Variants in IPO4 observed in about 807,000 individuals in gnomAD.
IPO4 encodes importin-4.
In IPO4, 91 loss-of-function variants were observed where a neutral mutation model predicts 133.5. The ratio of observed to expected loss-of-function variants is 0.68; its 90% CI spans 0.58 to 0.81. The LOEUF (loss-of-function observed/expected upper bound fraction) is 0.81. Ranked by LOEUF, IPO4 falls within the 30% of genes least tolerant of loss-of-function variation. The pLI is 0.00. For missense variants in IPO4, 1,279 were observed against 1,386.2 expected, an observed-to-expected ratio of 0.92 and a Z score of 1.23; for synonymous variants, 607 against 581.6, an observed-to-expected ratio of 1.04 and a Z score of -0.63.
Position 24,181,846 on chromosome 14 carries a change from G to T in IPO4, c.2808-3C>A. On this transcript the variant is annotated splice_polypyrimidine_tract_variant and splice_region_variant and intron_variant, in intron 26 of 29. Coordinates refer to ENST00000354464, the MANE Select transcript of IPO4 (RefSeq NM_024658.4). ...GCCCCAGCAGCTTGGGGAAGTGTCT[G>T]GTCCACAGTCAAGGAATGGCCACAC... The T allele has an allele frequency of 6.3e-7, 1 of 1,597,814 alleles. No individual in the cohort carries two copies.
Position 24,188,299 on chromosome 14 carries a change from A to C in IPO4, c.237-42T>G, listed in dbSNP as rs535907013. 2.5e-6 allele frequency: 4 copies of C among 1,613,246 alleles called. No individual in the cohort carries two copies. In the South Asian group the frequency reaches 4.4e-5, roughly 18 times the overall value. On this transcript the variant is annotated intron_variant, in intron 3 of 29. Coordinates refer to ENST00000354464, the MANE Select transcript of IPO4 (RefSeq NM_024658.4). ...AGGTGTTTGGTACCCAGCCTGCCCA[A>C]GAAAAGTCTCCGCCTGGCCCCGCCC...
At chr14:24,186,852 A>G in intron 8 of IPO4, 26 bp downstream of exon 8, 2 of 1,610,476 alleles carry the variant, frequency 1.2e-6, no homozygotes, top group Non-Finnish European at 1.7e-6. Flanking sequence ...AGCATGTAGC[A>G]GGGGCCATGT....
At chr14:24,187,354 A>G (rs765358181) in intron 6 of IPO4, 46 bp downstream of exon 6, 1 of 1,596,826 alleles carries the variant, frequency 6.3e-7, no homozygotes, top group South Asian at 1.1e-5. Context: ...GAGGACATGA[A>G]GGCATGAGGA....
At position 24,187,145 on chromosome 14, in the gene IPO4, G is replaced by A. The variant is rs145420967; in HGVS notation, c.594C>T (p.Leu198=). 948 of 1,613,712 alleles carry A rather than the reference G, an allele frequency of 5.9e-4. 5 individuals carry two copies. In the African/African-American group the frequency reaches 0.011, roughly 18 times the overall value. The change falls in exon 7 of 30, where the codon CTC becomes CTT. Residue 198 remains leucine, a synonymous_variant. Coordinates refer to ENST00000354464, the MANE Select transcript of IPO4 (RefSeq NM_024658.4). ...TCAGCTTGGGCACCAACATCCGAGC[G>A]AGAGGCTGAGGGACACATCACAGAG... ...APYLSTEDVP[L]ARMLVPKLIM...
Position 24,183,801 on chromosome 14 carries a change from T to C in IPO4, c.1967A>G (p.Asp656Gly). ...TCCGCACCCTGAGATCTCTGAGTCA[T>C]CCTCTTCTTCCACATCCTCATCCAT... ...ELMDEDVEEEDDSEISGYSVE... is the reference protein window; with the variant it reads ...ELMDEDVEEEGDSEISGYSVE... Residue 656 changes from aspartate to glycine, a missense_variant, in exon 19 of 30, where the codon GAT (aspartate) becomes GGT (glycine). Asp to Gly is a moderately conservative substitution (Grantham distance 94, BLOSUM62 -1). Coordinates refer to ENST00000354464, the MANE Select transcript of IPO4 (RefSeq NM_024658.4). The C allele has an allele frequency of 1.2e-6, 2 of 1,614,146 alleles. No individual in the cohort carries two copies. The highest frequency in any genetic ancestry group is 1.7e-6 in the Non-Finnish European group (2 of 1,180,024).
intron 18 of IPO4, 28 bp downstream of exon 18, chr14:24,183,970 T>TGGGG: frequency 6.3e-7 from 1 of 1,599,740 alleles, no homozygotes; most frequent in Non-Finnish European, 8.5e-7. Flanking sequence ...AGGGCAGGCC[T>TGGGG]GGCCCAGCCC....
chr14:24,185,603 G>A (rs763319292), intron 12 of IPO4, 36 bp from the exon 13 acceptor site: 8 of 1,561,986 alleles, frequency 5.1e-6, no homozygotes, highest in Admixed American at 3.3e-5. Flanking sequence ...AGGCTGAGAA[G>A]CTACACCTGA....
In IPO4 at chr14:24,185,474, G is replaced by C. The variant is rs758676422; in HGVS notation, c.1263C>G (p.Phe421Leu). The change falls in exon 13 of 30, where the codon TTC becomes TTG. Residue 421 changes from phenylalanine (F) to leucine (L), a missense_variant. Physicochemically the swap from Phe to Leu is conservative, Grantham distance 22 (BLOSUM62 0). Transcript: ENST00000354464. ...RNAALFALGQ[F>L]SENLQPHISS... ...CCTGGTTCACCTGTAGGTTTTCTGA[G>C]AACTGGCCCAGGGCAAACAGCGCAG... is the stretch of plus-strand genomic sequence containing the variant. 2 of 1,614,054 alleles carry C rather than the reference G, an allele frequency of 1.2e-6. No individual in the cohort carries two copies. Among genetic ancestry groups the C allele is most frequent in the Non-Finnish European group, 1.7e-6 (2 of 1,180,014 alleles).
intron 12 of IPO4, 76 bp downstream of exon 12, chr14:24,185,785 G>T: frequency 1.7e-6 from 2 of 1,193,510 alleles, no homozygotes; most frequent in Non-Finnish European, 2.5e-6. Context: ...AAATAAGCTT[G>T]AACAACAAGC....
intron 28 of IPO4, 48 bp downstream of exon 28, chr14:24,181,465 G>A (rs2039134813): frequency 6.8e-7 from 1 of 1,466,372 alleles, no homozygotes; most frequent in Non-Finnish European, 9.3e-7. Flanking sequence ...GCCTATCACT[G>A]AGTGGAGCGG....
chr14:24,182,509 G>T, intron 24 of IPO4, 106 bp from the exon 25 acceptor site: 1 of 1,468,332 alleles, frequency 6.8e-7, no homozygotes, highest in Non-Finnish European at 9.2e-7. Context: ...GCTGCCCTTG[G>T]TTGATAGGGC....
chr14:24,182,484 G>A (rs2039156960), intron 24 of IPO4, 81 bp from the exon 25 acceptor site: 1 of 1,540,218 alleles, frequency 6.5e-7, no homozygotes, highest in African/African-American at 1.4e-5. Flanking sequence ...GCCACCAGCT[G>A]CAGGGGTCCC....
chr14:24,182,231 G>A (rs368394653), intron 25 of IPO4, 47 bp downstream of exon 25: 26 of 1,613,632 alleles, frequency 1.6e-5, no homozygotes, highest in Non-Finnish European at 2.0e-5. Context: ...GGTGGGCACC[G>A]GGTGCACGAG....
At chr14:24,184,803 G>A (rs1244424982) in intron 15 of IPO4, 40 bp from the exon 16 acceptor site, 4 of 1,605,226 alleles carry the variant, frequency 2.5e-6, no homozygotes, top group Middle Eastern at 1.7e-4. Context: ...GGAGAGGGCA[G>A]GGACCACCAG....
Position 24,184,696 on chromosome 14 carries a change from C to T in IPO4, c.1590G>A (p.Leu530=), listed in dbSNP as rs767879344. Residue 530 remains leucine (L), a synonymous_variant, in exon 16 of 30, where the codon CTG becomes CTA. Transcript: ENST00000354464. ...PAIMEHLREF[L]LTGREDLQPV... is the part of the protein sequence containing the mutation. ...GCTGAAGGTCCTCACGGCCTGTTAA[C>T]AGGAATTCCCGCAGGTGCTCCATGA... 23 of 1,612,604 alleles carry T rather than the reference C, an allele frequency of 1.4e-5. No individual in the cohort carries two copies. The highest frequency in any genetic ancestry group is 1.0e-4 in the Admixed American group (6 of 59,904).
chr14:24,184,843 C>T (rs28528158), intron 15 of IPO4, 24 bp downstream of exon 15: 40 of 1,609,662 alleles, frequency 2.5e-5, no homozygotes, highest in Admixed American at 1.7e-4. Context: ...ACCCCACATC[C>T]CTGCCTCCTG....
At chr14:24,181,907 G>C in intron 26 of IPO4, 48 bp downstream of exon 26, 1 of 1,607,078 alleles carries the variant, frequency 6.2e-7, no homozygotes, top group East Asian at 2.2e-5. Context: ...AAGCCCTGGG[G>C]ACACTCCCCC....
Position 24,186,316 on chromosome 14 carries a change from C to A in IPO4, c.976G>T (p.Gly326Trp). ...ACAGCGAAATGCTTGGGAGTCTCCC[C>A]CATCAGCTCAATCTCCAACTCTTCC... ...EEEELEIELM[G>W]ETPKHFAVQV... Residue 326 changes from glycine to tryptophan, a missense_variant, in exon 10 of 30, where the codon GGG becomes TGG. Coordinates refer to ENST00000354464, the MANE Select transcript of IPO4 (RefSeq NM_024658.4). 6.2e-7 allele frequency: 1 copy of A among 1,610,602 alleles called. No individual in the cohort carries two copies. The highest frequency in any genetic ancestry group is 8.5e-7 in the Non-Finnish European group (1 of 1,177,834).
intron 29 of IPO4, 21 bp downstream of exon 29, chr14:24,180,668 G>T: frequency 6.2e-7 from 1 of 1,614,014 alleles, no homozygotes; most frequent in Non-Finnish European, 8.5e-7. Flanking sequence ...GCAAGCCCCT[G>T]CCTATGACTC....
Sources: allele counts gnomAD v4.1 joint callset, GRCh38; gene constraint gnomAD v4.1.1; transcripts MANE v1.5; gene names NCBI Gene and HGNC (gene_info 2026-07-23, HGNC 2026-07-21).